RABGAP1L: variants seen among roughly 807,000 people sequenced by gnomAD.
RABGAP1L encodes the protein rab GTPase-activating protein 1-like.
A neutral mutation model predicts 137.7 loss-of-function variants in RABGAP1L; 63 were observed. The ratio of observed to expected loss-of-function variants is 0.46; its 90% CI spans 0.37 to 0.56. The LOEUF (loss-of-function observed/expected upper bound fraction) is 0.56. RABGAP1L is among the 20% of genes least tolerant of loss of function. The probability of loss-of-function intolerance (pLI) is 0.00; values close to 1 mark genes in which losing one functional copy is unlikely to be tolerated. For synonymous variants in RABGAP1L, 431 were observed against 433.7 expected (o/e 0.99, Z 0.08); for missense variants, 1,095 against 1,244.0 (o/e 0.88, Z 1.80).
At chr1:174,643,249 G>A (rs1484395132) in intron 14 of RABGAP1L, among the ~76,000 whole-genome samples, 1 of 152,142 alleles carries the variant, frequency 6.6e-6, no homozygotes, top group Non-Finnish European at 1.5e-5. Flanking sequence ...GATTTAGTTT[G>A]GAGCAGTGCT....
chr1:174,585,221 G>T (rs1669028913), intron 13 of RABGAP1L, among the ~76,000 whole-genome samples: 1 of 152,034 alleles, frequency 6.6e-6, no homozygotes, highest in Admixed American at 6.6e-5. Context: ...ATTTGTGGTT[G>T]TATTGTATTT....
intron 1 of RABGAP1L, among the ~76,000 whole-genome samples, chr1:174,214,476 GA>G (rs1175349536): frequency 1.3e-5 from 2 of 151,892 alleles, no homozygotes; most frequent in South Asian, 2.1e-4. Context: ...CACAGAAATA[GA>G]AAAAAAAGTC....
intron 13 of RABGAP1L, among the ~76,000 whole-genome samples, chr1:174,407,392 A>G (rs993339806): frequency 1.3e-5 from 2 of 152,056 alleles, no homozygotes; most frequent in Non-Finnish European, 1.5e-5. Context: ...TGACTCTTAA[A>G]GAATGCAGGG....
intron 15 of RABGAP1L, among the ~76,000 whole-genome samples, chr1:174,698,431 G>T (rs114484096): frequency 0.022 from 3,360 of 152,196 alleles, 56 homozygotes; most frequent in Middle Eastern, 0.085. Flanking sequence ...TCAAGAAAAC[G>T]CAGGGAGGAT....
rs67490880 is a variant in RABGAP1L, at chr1:174,780,111, TAAA to T, written c.2211+27758_2211+27760del. On this transcript the variant is annotated intron_variant, in intron 18 of 25. Transcript: ENST00000681986. ...ATAAATAAATAAATAAATAAATAAATAAATAAATTAAATAAGCCCTAATTAAAA... is the reference window on the plus strand; with the variant it reads ...ATAAATAAATAAATAAATAAATAAATTAAATTAAATAAGCCCTAATTAAAA... Among the ~76,000 whole-genome samples the T allele has an allele frequency of 1.9e-3, 282 of 145,810 alleles. 2 individuals are homozygous for T. The highest frequency in any genetic ancestry group is 3.8e-3 in the Admixed American group (56 of 14,650).
intron 19 of RABGAP1L, among the ~76,000 whole-genome samples, chr1:174,871,749 T>C (rs1652235983): frequency 6.6e-6 from 1 of 152,240 alleles, no homozygotes; most frequent in South Asian, 2.1e-4. Flanking sequence ...AATAATTATT[T>C]GAATGCTTTA....
intron 19 of RABGAP1L, among the ~76,000 whole-genome samples, chr1:174,956,856 C>G (rs1668582675): frequency 6.6e-6 from 1 of 152,038 alleles, no homozygotes; most frequent in Non-Finnish European, 1.5e-5. Context: ...CCATGTTGGC[C>G]AGGCTGGTCT....
At chr1:174,487,316 G>A (rs972983682) in intron 13 of RABGAP1L, among the ~76,000 whole-genome samples, 1 of 152,026 alleles carries the variant, frequency 6.6e-6, no homozygotes, top group Non-Finnish European at 1.5e-5. Context: ...CCAGTGTTGG[G>A]TCCATAGATA....
Position 174,511,491 on chromosome 1 carries a change from CT to C in RABGAP1L, c.1710+117353del, listed in dbSNP as rs1013339681. ...GCCTAAGAGAAATTAAAAGTTCATG[CT>C]TTTTTTCATGACTACTGGAGTAATT... On this transcript the variant is annotated intron_variant, in intron 13 of 25. Coordinates refer to ENST00000681986, the MANE Select transcript of RABGAP1L (RefSeq NM_001366446.1). Among the ~76,000 whole-genome samples, 13 of 152,168 alleles carry C rather than the reference CT, an allele frequency of 8.5e-5. No homozygotes were observed. In the East Asian group the frequency reaches 2.5e-3, roughly 29 times the overall value.
chr1:174,438,744 G>GTATATATATCTATATATA (rs1653755609), intron 13 of RABGAP1L, among the ~76,000 whole-genome samples: 1 of 95,456 alleles, frequency 1.0e-5, no homozygotes, highest in African/African-American at 4.8e-5. Flanking sequence ...GTGTGTGTGT[G>GTATATATATCTATATATA]TATATATATA....
chr1:174,619,833 A>G (rs1249946069), intron 13 of RABGAP1L, among the ~76,000 whole-genome samples: 1 of 152,224 alleles, frequency 6.6e-6, no homozygotes, highest in Non-Finnish European at 1.5e-5. Context: ...CAATTAAAAG[A>G]CACAGACTGG....
In RABGAP1L at chr1:174,437,801, G is replaced by A. The variant is rs1394636206; in HGVS notation, c.1710+43656G>A. Among the ~76,000 whole-genome samples, 7 of 152,140 alleles carry A rather than the reference G, an allele frequency of 4.6e-5. No homozygotes were observed. The South Asian group carries it at 1.5e-3, about 32-fold the overall frequency. Reference sequence around the variant, plus strand: ...CCACAGTGGAAATGAAGGAAAAAATGTTAAGGGCAGCCAGAGAGAAAGGTC... The same window carrying A: ...CCACAGTGGAAATGAAGGAAAAAATATTAAGGGCAGCCAGAGAGAAAGGTC... On this transcript the variant is annotated intron_variant, in intron 13 of 25. Transcript: ENST00000681986.
At chr1:174,437,836 A>G (rs1187280311) in intron 13 of RABGAP1L, among the ~76,000 whole-genome samples, 1 of 152,162 alleles carries the variant, frequency 6.6e-6, no homozygotes, top group Non-Finnish European at 1.5e-5. Flanking sequence ...CGGGTTACCC[A>G]CAAAGGGAAG....
In RABGAP1L at chr1:174,991,299, C is replaced by G. The variant is rs1045862200; in HGVS notation, c.*1298C>G. The stretch of plus-strand genomic sequence containing the variant: ...TTGGAGGCCTCTGATCCTTTCAAAC[C>G]AACCAAACTACTATTAGATATGTAC... On this transcript the variant is annotated 3_prime_UTR_variant, in exon 26 of 26. Coordinates refer to ENST00000681986, the MANE Select transcript of RABGAP1L (RefSeq NM_001366446.1). 1.4e-4 allele frequency: 21 copies of G among 152,078 alleles called. No individual in the cohort carries two copies. The highest frequency in any genetic ancestry group is 5.1e-4 in the African/African-American group (21 of 41,398). 9.4% of individuals were successfully genotyped at this position (152,078 alleles called of 1,614,324 possible).
At chr1:174,510,277 T>A (rs1662209998) in intron 13 of RABGAP1L, among the ~76,000 whole-genome samples, 1 of 152,224 alleles carries the variant, frequency 6.6e-6, no homozygotes, top group East Asian at 1.9e-4. Flanking sequence ...TCATAATACG[T>A]AACCTTCATG....
Position 174,394,106 on chromosome 1 carries a change from C to T in RABGAP1L, c.1671C>T (p.Asn557=). 4 of 1,613,770 alleles carry T rather than the reference C, an allele frequency of 2.5e-6. No individual in the cohort carries two copies. The East Asian group carries it at 8.9e-5, about 36-fold the overall frequency. ...AGTTATTGGCAGGCTGCCATGACAA[C>T]CAGGCAATGCTGGATAGATACCGAA... ...VWQLLAGCHD[N]QAMLDRYRIL... is the part of the protein sequence containing the mutation. The change falls in exon 13 of 26, where the codon AAC becomes AAT. Residue 557 remains asparagine, a synonymous_variant. Coordinates refer to ENST00000681986, the MANE Select transcript of RABGAP1L (RefSeq NM_001366446.1).
At position 174,361,833 on chromosome 1, in the gene RABGAP1L, G is replaced by A. The variant is rs1044948040; in HGVS notation, c.1466-9146G>A. ...TGGTACATGTGCAGATTGTTACATA[G>A]GTAAATGTGTGTCATGGGGGTTTGT... is the stretch of plus-strand genomic sequence containing the variant. On this transcript the variant is annotated intron_variant, in intron 11 of 25. Coordinates refer to ENST00000681986, the MANE Select transcript of RABGAP1L (RefSeq NM_001366446.1). Among the ~76,000 whole-genome samples the A allele has an allele frequency of 2.0e-5, 3 of 152,066 alleles. No individual in the cohort carries two copies. The East Asian group carries it at 5.8e-4, about 29-fold the overall frequency.
At chr1:174,663,667 TTAAA>T (rs1276924290) in intron 14 of RABGAP1L, among the ~76,000 whole-genome samples, 1 of 152,232 alleles carries the variant, frequency 6.6e-6, no homozygotes, top group Non-Finnish European at 1.5e-5. Context: ...ACCTACTTGC[TTAAA>T]TTTATTTGTA....
intron 13 of RABGAP1L, among the ~76,000 whole-genome samples, chr1:174,614,476 G>T (rs1671594181): frequency 6.6e-6 from 1 of 152,112 alleles, no homozygotes. Context: ...TCCCTTTGTG[G>T]GTAACCCAAC....
Sources: gnomAD v4.1 joint callset for allele counts (sites outside exome capture counted in the v4.1 genomes callset) on GRCh38, gnomAD v4.1.1 for gene constraint, MANE v1.5 for transcripts, NCBI Gene and HGNC (gene_info 2026-07-23, HGNC 2026-07-21) for gene names.